BCR: variants seen among roughly 807,000 people sequenced by gnomAD.
BCR encodes BCR activator of RhoGEF and GTPase, also known as breakpoint cluster region protein.
BCR carries 58 observed loss-of-function variants against 138.6 expected under a neutral mutation model. The ratio of observed to expected loss-of-function variants is 0.42; its 90% CI spans 0.34 to 0.52. BCR has a LOEUF of 0.52. Among genes scored for constraint, BCR ranks in the 20% least tolerant of loss-of-function variants. The pLI is 0.06. For synonymous variants in BCR, 786 were observed against 730.1 expected, an observed-to-expected ratio of 1.08 and a Z score of -1.23; for missense variants, 1,599 against 1,727.2, an observed-to-expected ratio of 0.93 and a Z score of 1.32.
intron 5 of BCR, among the ~76,000 whole-genome samples, chr22:23,270,907 G>A (rs968482335): frequency 6.6e-6 from 1 of 152,236 alleles, no homozygotes; most frequent in Non-Finnish European, 1.5e-5. Flanking sequence ...TCATTTTTTA[G>A]TAAGTACACT....
intron 16 of BCR, among the ~76,000 whole-genome samples, chr22:23,296,225 T>G (rs943526006): frequency 1.3e-5 from 2 of 151,574 alleles, no homozygotes; most frequent in East Asian, 1.9e-4. Context: ...ATACAAAAAA[T>G]TAGCCAGGCG....
rs368068492 is a variant in BCR, at chr22:23,297,237, TC to T, written c.3012+2083del. ...TTGTTTTTTGTTTTTTTTTTTTTTT[TC>T]GAGACAGAGTTTTGCTCTTGTTGCC... On this transcript the variant is annotated intron_variant, in intron 16 of 22. Transcript: ENST00000305877. 9.9e-3 allele frequency among the ~76,000 whole-genome samples: 1,365 copies of T among 137,716 alleles called. 76 individuals are homozygous for T. The highest frequency in any genetic ancestry group is 0.035 in the African/African-American group (1,201 of 34,642). The allele number at this position is 137,716 out of a possible 152,430, so 90.3% of individuals were successfully genotyped here.
intron 14 of BCR, chr22:23,290,624 G>C (rs1213242570): frequency 7.2e-6 from 4 of 558,694 alleles, no homozygotes; most frequent in Non-Finnish European, 1.3e-5. Context: ...CTCTCCCCTA[G>C]CCTGTCTCAG....
intron 8 of BCR, among the ~76,000 whole-genome samples, chr22:23,277,726 G>T (rs1231088420): frequency 6.6e-6 from 1 of 152,168 alleles, no homozygotes; most frequent in East Asian, 1.9e-4. Context: ...TGAGCCCTCT[G>T]CAGGGTCAGC....
chr22:23,288,058 G>A (rs750279575), intron 11 of BCR, 39 bp from the exon 12 acceptor site: 5 of 1,598,818 alleles, frequency 3.1e-6, no homozygotes, highest in Non-Finnish European at 4.3e-6. Context: ...GCGTAGCCAG[G>A]GCGGAGATAA....
chr22:23,275,968 G>A (rs1465983284), intron 8 of BCR, among the ~76,000 whole-genome samples: 1 of 152,144 alleles, frequency 6.6e-6, no homozygotes, highest in East Asian at 1.9e-4. Context: ...CACTGCTTTG[G>A]GGAATTAAGG....
At chr22:23,234,281 A>G (rs1602045559) in intron 1 of BCR, among the ~76,000 whole-genome samples, 1 of 152,154 alleles carries the variant, frequency 6.6e-6, no homozygotes, top group African/African-American at 2.4e-5. Flanking sequence ...AGTCCGAGGA[A>G]CCAGTGGTTA....
Position 23,181,737 on chromosome 22 carries a change from C to A in BCR, c.777C>A (p.Asn259Lys). The stretch of plus-strand genomic sequence containing the variant: ...TGAACCCCCGCTTCCTGAAGGACAA[C>A]CTGATCGACGCCAATGGCGGTAGCA... ...AELNPRFLKD[N>K]LIDANGGSRP... The change falls in exon 1 of 23, where the codon AAC (asparagine) becomes AAA (lysine). Residue 259 changes from asparagine to lysine, a missense_variant. Asn to Lys is a moderately conservative substitution (Grantham distance 94, BLOSUM62 0). Transcript: ENST00000305877. 6.2e-7 allele frequency: 1 copy of A among 1,604,294 alleles called. No homozygotes were observed. Among genetic ancestry groups the A allele is most frequent in the Non-Finnish European group, 8.5e-7 (1 of 1,179,976 alleles).
At chr22:23,202,017 AGTTAATGTGAAC>A (rs991004059) in intron 1 of BCR, among the ~76,000 whole-genome samples, 6 of 152,174 alleles carry the variant, frequency 3.9e-5, no homozygotes, top group Non-Finnish European at 7.3e-5. Flanking sequence ...GTCCGGCCTT[AGTTAATGTGAAC>A]GTTTCCATGT....
rs56092735 is a variant in BCR, at chr22:23,253,809, C to G, written c.1290C>G (p.Phe430Leu). 4 of 1,611,204 alleles carry G rather than the reference C, an allele frequency of 2.5e-6. No homozygotes were observed. The South Asian group carries it at 4.4e-5, about 18-fold the overall frequency. The part of the protein sequence containing the change: ...GAFHGDADGS[F>L]GTPPGYGCAA... ...TCTTTGCACACACAGATGGCTCGTT[C>G]GGAACACCACCTGGATACGGCTGCG... Residue 430 changes from phenylalanine to leucine, a missense_variant, in exon 2 of 23, where the codon TTC (phenylalanine) becomes TTG (leucine). Physicochemically the swap from Phe to Leu is conservative, Grantham distance 22 (BLOSUM62 0). Transcript: ENST00000305877.
At chr22:23,197,291 G>C (rs1026617699) in intron 1 of BCR, among the ~76,000 whole-genome samples, 3 of 152,246 alleles carry the variant, frequency 2.0e-5, no homozygotes, top group Middle Eastern at 3.4e-3. Context: ...CTGTCGTGTA[G>C]GTTTGTGTAG....
intron 1 of BCR, among the ~76,000 whole-genome samples, chr22:23,252,230 C>G (rs1432309753): frequency 6.6e-6 from 1 of 151,946 alleles, no homozygotes; most frequent in East Asian, 1.9e-4. Flanking sequence ...ACCTGTAGCC[C>G]CAGTTCCCTG....
At chr22:23,200,396 C>T (rs1479704882) in intron 1 of BCR, among the ~76,000 whole-genome samples, 1 of 152,026 alleles carries the variant, frequency 6.6e-6, no homozygotes, top group Non-Finnish European at 1.5e-5. Flanking sequence ...CTCACTGCAG[C>T]CTCAACCTCC....
chr22:23,282,613 T>G (rs2073661020), intron 8 of BCR, among the ~76,000 whole-genome samples: 2 of 152,120 alleles, frequency 1.3e-5, no homozygotes, highest in South Asian at 2.1e-4. Context: ...GAGAAGAACC[T>G]CAGGCTGCAG....
intron 1 of BCR, among the ~76,000 whole-genome samples, chr22:23,222,104 A>AAAAGAGAGAG (rs1555876401): frequency 6.6e-6 from 1 of 151,700 alleles, no homozygotes; most frequent in African/African-American, 2.4e-5. Context: ...AAACAAAAAA[A>AAAAGAGAGAG]AGAGAGAGAA....
intron 16 of BCR, among the ~76,000 whole-genome samples, chr22:23,300,583 G>A (rs2073892349): frequency 6.6e-6 from 1 of 152,130 alleles, no homozygotes; most frequent in South Asian, 2.1e-4. Flanking sequence ...CTCTCGGGGG[G>A]AACAGCTGCT....
chr22:23,262,628 C>A (rs560488679), intron 4 of BCR: 2 of 276,382 alleles, frequency 7.2e-6, no homozygotes, highest in Non-Finnish European at 1.1e-5. Flanking sequence ...CTGGGCTCCG[C>A]GTCGGGCTGC....
chr22:23,293,668 C>G (rs760251697), intron 15 of BCR, among the ~76,000 whole-genome samples: 5 of 152,046 alleles, frequency 3.3e-5, no homozygotes, highest in African/African-American at 4.8e-5. Flanking sequence ...GCAAAAGGTT[C>G]AGGTGCCAGG....
chr22:23,264,355 C>T (rs1164415053), intron 4 of BCR: 19 of 960,190 alleles, frequency 2.0e-5, no homozygotes, highest in South Asian at 1.3e-4. Flanking sequence ...ATTCAAAACC[C>T]GTGACCGTCA....
Sources: allele counts gnomAD v4.1 joint callset (sites outside exome capture counted in the v4.1 genomes callset), GRCh38; gene constraint gnomAD v4.1.1; transcripts MANE v1.5; gene names NCBI Gene and HGNC (gene_info 2026-07-23, HGNC 2026-07-21).